The following ERG variants were observed in gnomAD, a reference collection of about 807,000 sequenced individuals.
The protein encoded by ERG is ETS transcription factor ERG.
ERG carries 9 observed loss-of-function variants against 55.3 expected under a neutral mutation model. That is an observed-to-expected ratio of 0.16 (90% confidence interval 0.10 to 0.28). The LOEUF is 0.28. ERG is among the 10% of genes least tolerant of loss of function. The probability of loss-of-function intolerance (pLI) is 1.00; values close to 1 mark genes in which losing one functional copy is unlikely to be tolerated. For synonymous variants in ERG, 223 were observed against 237.3 expected (o/e 0.94, Z 0.55); for missense variants, 434 against 631.6 (o/e 0.69, Z 3.35).
At chr21:38,423,146 T>C (rs1165141048) in intron 3 of ERG, among the ~76,000 whole-genome samples, 5 of 151,284 alleles carry the variant, frequency 3.3e-5, no homozygotes, top group Non-Finnish European at 7.4e-5. Context: ...TGTGGCAAAA[T>C]AAAGAGCTGG....
At chr21:38,388,340 T>C (rs572545478) in intron 9 of ERG, among the ~76,000 whole-genome samples, 2 of 152,330 alleles carry the variant, frequency 1.3e-5, no homozygotes, top group South Asian at 4.2e-4. Flanking sequence ...ATGTCCAAAG[T>C]ACACATCAAG....
chr21:38,458,137 G>A (rs9979387), intron 1 of ERG, among the ~76,000 whole-genome samples: 25,082 of 152,094 alleles, frequency 0.16, 2,331 homozygotes, highest in African/African-American at 0.24. Flanking sequence ...CTGTAAAAGA[G>A]CACACTGGCC....
chr21:38,565,465 C>T, intron 2 of ERG, among the ~76,000 whole-genome samples: 1 of 152,228 alleles, frequency 6.6e-6, no homozygotes, highest in East Asian at 1.9e-4. Flanking sequence ...GTCTACAACA[C>T]AGCCTCACCA....
chr21:38,424,054 G>A (rs114131654), intron 2 of ERG, among the ~76,000 whole-genome samples: 117 of 152,278 alleles, frequency 7.7e-4, no homozygotes, highest in African/African-American at 2.7e-3. Context: ...ATATTTTGAA[G>A]CCCTAACTCC....
chr21:38,593,067 C>A (rs2060110723), intron 1 of ERG, among the ~76,000 whole-genome samples: 1 of 152,210 alleles, frequency 6.6e-6, no homozygotes, highest in South Asian at 2.1e-4. Flanking sequence ...TCAGTTCTTT[C>A]TCAGCCTTGC....
intron 1 of ERG, among the ~76,000 whole-genome samples, chr21:38,596,069 T>A (rs1368850645): frequency 1.9e-5 from 2 of 105,032 alleles, no homozygotes; most frequent in African/African-American, 4.0e-5. Flanking sequence ...GGGGGGGGGG[T>A]CTCTTTTTAT....
chr21:38,561,642 G>C (rs1273126560), intron 2 of ERG, among the ~76,000 whole-genome samples: 2 of 152,046 alleles, frequency 1.3e-5, no homozygotes, highest in African/African-American at 4.8e-5. Context: ...AAGAATGCAA[G>C]AATCACCTGG....
At chr21:38,584,998 C>T (rs1371392210), upstream of ERG, 1 of 151,986 alleles carries the variant, frequency 6.6e-6, no homozygotes, top group African/African-American at 2.4e-5. Flanking sequence ...AATATTAATA[C>T]CAGGGATCAA....
At chr21:38,571,304 A>T (rs2059956106) in intron 2 of ERG, among the ~76,000 whole-genome samples, 1 of 152,072 alleles carries the variant, frequency 6.6e-6, no homozygotes, top group African/African-American at 2.4e-5. Context: ...TTGAGCCCAG[A>T]GTTTGAGACC....
At chr21:38,404,266 G>A (rs1021501727) in intron 3 of ERG, among the ~76,000 whole-genome samples, 1 of 152,166 alleles carries the variant, frequency 6.6e-6, no homozygotes, top group African/African-American at 2.4e-5. Flanking sequence ...CCCCTCCTAT[G>A]AGCCAGCGTT....
At chr21:38,395,770 G>A (rs1175585742) in intron 6 of ERG, among the ~76,000 whole-genome samples, 1 of 152,196 alleles carries the variant, frequency 6.6e-6, no homozygotes, top group Non-Finnish European at 1.5e-5. Context: ...CATTCTGAAT[G>A]AGACTCCTCC....
intron 1 of ERG, among the ~76,000 whole-genome samples, chr21:38,642,108 T>C (rs2060428732): frequency 2.0e-5 from 3 of 152,250 alleles, no homozygotes; most frequent in Admixed American, 6.5e-5. Flanking sequence ...TAATGTGGCA[T>C]TAAAAATATC....
chr21:38,398,572 C>A (rs1191857506), intron 6 of ERG, among the ~76,000 whole-genome samples: 1 of 152,182 alleles, frequency 6.6e-6, no homozygotes, highest in Non-Finnish European at 1.5e-5. Context: ...ACCATCAGAG[C>A]GGCATGGGAG....
intron 1 of ERG, among the ~76,000 whole-genome samples, chr21:38,477,007 C>CTTTTTTTTTTTTTTTTTTTTTT (rs397867221): frequency 4.8e-5 from 4 of 84,156 alleles, no homozygotes; most frequent in Non-Finnish European, 8.4e-5. Context: ...TCTTTCTTTC[C>CTTTTTTTTTTTTTTTTTTTTTT]TTTTTTTTTT....
intron 2 of ERG, among the ~76,000 whole-genome samples, chr21:38,545,766 G>T (rs1441659521): frequency 6.6e-6 from 1 of 152,114 alleles, no homozygotes; most frequent in African/African-American, 2.4e-5. Context: ...CACTGAAAAA[G>T]CTTTCATGAC....
At chr21:38,436,837 G>A (rs1309635833) in intron 2 of ERG, among the ~76,000 whole-genome samples, 2 of 151,736 alleles carry the variant, frequency 1.3e-5, no homozygotes, top group East Asian at 3.9e-4. Flanking sequence ...TGATCTCACA[G>A]AATCTTTTTC....
chr21:38,544,109 T>C (rs2059772832), intron 2 of ERG, among the ~76,000 whole-genome samples: 1 of 151,942 alleles, frequency 6.6e-6, no homozygotes, highest in Non-Finnish European at 1.5e-5. Context: ...CCAAAGAAAG[T>C]GAGGAACTAA....
intron 1 of ERG, among the ~76,000 whole-genome samples, chr21:38,661,417 C>A (rs934583896): frequency 2.0e-5 from 3 of 152,176 alleles, no homozygotes; most frequent in African/African-American, 7.2e-5. Context: ...GTGCCCGGGA[C>A]CTCGGTCGTG....
At chr21:38,606,323 T>C (rs760779491) in intron 1 of ERG, among the ~76,000 whole-genome samples, 1 of 152,074 alleles carries the variant, frequency 6.6e-6, no homozygotes, top group Non-Finnish European at 1.5e-5. Context: ...GATAGACAGA[T>C]AGATAGATAA....
Sources: gnomAD v4.1 joint callset for allele counts (sites outside exome capture counted in the v4.1 genomes callset) on GRCh38, gnomAD v4.1.1 for gene constraint, MANE v1.5 for transcripts, NCBI Gene and HGNC (gene_info 2026-07-23, HGNC 2026-07-21) for gene names.